NELL1: variants seen among roughly 807,000 people sequenced by gnomAD.
NELL1 encodes the protein protein kinase C-binding protein NELL1.
Under a neutral mutation model 107.4 loss-of-function variants are expected in NELL1, and 76 were observed. The ratio of observed to expected loss-of-function variants is 0.71; its 90% CI spans 0.59 to 0.86. NELL1 has a LOEUF of 0.86. Among genes scored for constraint, NELL1 ranks in the 40% least tolerant of loss-of-function variants. NELL1 has a pLI of 0.00. For synonymous variants in NELL1, 353 were observed against 341.2 expected, an observed-to-expected ratio of 1.03 and a Z score of -0.38; for missense variants, 1,024 against 1,005.5, an observed-to-expected ratio of 1.02 and a Z score of -0.25.
At chr11:21,148,207 A>C (rs376133711) in intron 13 of NELL1, among the ~76,000 whole-genome samples, 2 of 152,348 alleles carry the variant, frequency 1.3e-5, no homozygotes, top group East Asian at 3.9e-4. Context: ...ATAATTCCAG[A>C]TAGCTCTTGA....
At chr11:20,939,815 T>C (rs1445338230) in intron 10 of NELL1, among the ~76,000 whole-genome samples, 1 of 152,166 alleles carries the variant, frequency 6.6e-6, no homozygotes, top group Non-Finnish European at 1.5e-5. Flanking sequence ...GAACATGTTT[T>C]GTGGGTGAGG....
chr11:20,707,811 G>T (rs1855007138), intron 2 of NELL1, among the ~76,000 whole-genome samples: 1 of 152,244 alleles, frequency 6.6e-6, no homozygotes, highest in African/African-American at 2.4e-5. Context: ...ACTTGAGGAG[G>T]CAGTCTGTCC....
At chr11:20,864,900 G>C (rs1397958145) in intron 4 of NELL1, among the ~76,000 whole-genome samples, 1 of 152,172 alleles carries the variant, frequency 6.6e-6, no homozygotes, top group Non-Finnish European at 1.5e-5. Flanking sequence ...CTTCCTGGCT[G>C]CTCCTGCCAG....
chr11:21,035,471 C>A (rs1853066713), intron 12 of NELL1, among the ~76,000 whole-genome samples: 2 of 132,008 alleles, frequency 1.5e-5, no homozygotes. Flanking sequence ...CGCAAAAATC[C>A]TAAAAAAAAA....
chr11:20,747,952 G>A (rs1856040869), intron 2 of NELL1, among the ~76,000 whole-genome samples: 1 of 152,128 alleles, frequency 6.6e-6, no homozygotes, highest in East Asian at 1.9e-4. Context: ...GGGGAGGTGG[G>A]GAAATTTGTA....
chr11:20,887,550 G>A (rs929223687), intron 5 of NELL1, among the ~76,000 whole-genome samples: 1 of 152,190 alleles, frequency 6.6e-6, no homozygotes, highest in African/African-American at 2.4e-5. Flanking sequence ...GCGTGACTGA[G>A]TGTTGGAATG....
chr11:21,295,889 T>A lies in NELL1; in HGVS notation c.1549+66435T>A, dbSNP rs77146888. 3.9e-3 allele frequency among the ~76,000 whole-genome samples: 596 copies of A among 152,078 alleles called. 7 individuals are homozygous for A. Among genetic ancestry groups the A allele is most frequent in the Middle Eastern group, 0.024 (7 of 294 alleles). ...TAACTTCACAAAGGCAGTTAAAAAA[T>A]TGGAATGTCTTGTTACCAATTTTGC... is the stretch of plus-strand genomic sequence containing the variant. On this transcript the variant is annotated intron_variant, in intron 14 of 19. Transcript: ENST00000357134.
intron 15 of NELL1, among the ~76,000 whole-genome samples, chr11:21,480,442 C>T (rs746333355): frequency 4.6e-5 from 7 of 152,172 alleles, no homozygotes; most frequent in African/African-American, 9.7e-5. Flanking sequence ...AAGAACCTGA[C>T]TGTCTCACAA....
At chr11:21,192,654 T>C (rs1857071568) in intron 13 of NELL1, among the ~76,000 whole-genome samples, 1 of 151,850 alleles carries the variant, frequency 6.6e-6, no homozygotes, top group East Asian at 1.9e-4. Context: ...GGGCATGTTT[T>C]GTAGTGACAG....
intron 17 of NELL1, among the ~76,000 whole-genome samples, chr11:21,566,723 C>G (rs1464698751): frequency 2.0e-5 from 3 of 151,852 alleles, no homozygotes; most frequent in African/African-American, 7.3e-5. Flanking sequence ...GAGCTCCATA[C>G]TCTCCCCAAA....
chr11:21,305,834 C>T (rs1849593691), intron 14 of NELL1, among the ~76,000 whole-genome samples: 1 of 151,916 alleles, frequency 6.6e-6, no homozygotes, highest in South Asian at 2.1e-4. Flanking sequence ...AAGCTTTATA[C>T]ACTTTTGGAC....
chr11:21,367,971 C>G (rs1425366962), intron 14 of NELL1, among the ~76,000 whole-genome samples: 1 of 152,058 alleles, frequency 6.6e-6, no homozygotes, highest in Non-Finnish European at 1.5e-5. Context: ...ATGCTGAGTT[C>G]ATAGTCAATC....
At chr11:21,216,217 C>T (rs750011660) in intron 13 of NELL1, among the ~76,000 whole-genome samples, 38 of 152,164 alleles carry the variant, frequency 2.5e-4, no homozygotes, top group Non-Finnish European at 4.1e-4. Context: ...GGTTTGGGAA[C>T]CTCCACCTAG....
At chr11:21,478,158 C>A (rs1854396983) in intron 15 of NELL1, among the ~76,000 whole-genome samples, 1 of 151,996 alleles carries the variant, frequency 6.6e-6, no homozygotes, top group Admixed American at 6.6e-5. Context: ...AGAAAGAGTG[C>A]AGGGAAAACT....
At chr11:21,274,531 G>C (rs1290430545) in intron 14 of NELL1, among the ~76,000 whole-genome samples, 3 of 152,148 alleles carry the variant, frequency 2.0e-5, no homozygotes, top group Admixed American at 6.5e-5. Context: ...ATTGAACTCA[G>C]CTCTGCACCA....
intron 12 of NELL1, among the ~76,000 whole-genome samples, chr11:20,985,105 C>G (rs575651266): frequency 1.3e-5 from 2 of 152,146 alleles, no homozygotes; most frequent in East Asian, 3.9e-4. Flanking sequence ...GTTAATTTAC[C>G]TGTTGTTAGA....
rs80025548 is a variant in NELL1, at chr11:20,911,767, T to C, written c.604-6415T>C. ...GGAATGGCTCATTACAAAGATACTT[T>C]CCATGGGGCAGCTTTCAAAACTCAT... On this transcript the variant is annotated intron_variant, in intron 5 of 19. Coordinates refer to ENST00000357134, the MANE Select transcript of NELL1 (RefSeq NM_006157.5). 2.0e-3 allele frequency among the ~76,000 whole-genome samples: 311 copies of C among 152,298 alleles called. 1 individual carries two copies. The highest frequency in any genetic ancestry group is 7.0e-3 in the African/African-American group (290 of 41,570).
At chr11:21,361,469 T>C (rs1247401936) in intron 14 of NELL1, among the ~76,000 whole-genome samples, 1 of 152,142 alleles carries the variant, frequency 6.6e-6, no homozygotes, top group South Asian at 2.1e-4. Flanking sequence ...GCCTATGTGA[T>C]GGTCTTTTTG....
chr11:21,317,344 A>G (rs899567498), intron 14 of NELL1, among the ~76,000 whole-genome samples: 2 of 33,330 alleles, frequency 6.0e-5, no homozygotes, highest in Non-Finnish European at 1.2e-4. Flanking sequence ...ATCCTGGCAC[A>G]TAAAGCTTCC....
Sources: gnomAD v4.1 joint callset for allele counts (sites outside exome capture counted in the v4.1 genomes callset) on GRCh38, gnomAD v4.1.1 for gene constraint, MANE v1.5 for transcripts, NCBI Gene and HGNC (gene_info 2026-07-23, HGNC 2026-07-21) for gene names.